The following UGCG variants were observed in gnomAD, a reference collection of about 807,000 sequenced individuals.
UGCG encodes ceramide glucosyltransferase.
In UGCG, 10 loss-of-function variants were observed where a neutral mutation model predicts 49.5. The ratio of observed to expected loss-of-function variants is 0.20; its 90% CI spans 0.12 to 0.34. The LOEUF (loss-of-function observed/expected upper bound fraction) is 0.34, where lower values mean the gene tolerates loss of function less well. Among genes scored for constraint, UGCG ranks in the 10% least tolerant of loss-of-function variants. The pLI is 1.00. For synonymous variants in UGCG, 182 were observed against 158.2 expected (o/e 1.15, Z -1.13); for missense variants, 312 against 483.7 (o/e 0.65, Z 3.33).
intron 3 of UGCG, among the ~76,000 whole-genome samples, chr9:111,923,989 G>A (rs375497731): frequency 4.6e-5 from 7 of 151,634 alleles, no homozygotes; most frequent in African/African-American, 1.7e-4. Flanking sequence ...ATGGGGTTTC[G>A]CCATGTCATA....
chr9:111,915,702 T>A, intron 2 of UGCG: 2 of 796,470 alleles, frequency 2.5e-6, no homozygotes, highest in Non-Finnish European at 3.0e-6. Context: ...GAAGATGATA[T>A]GCGCACTACA....
chr9:111,929,643 C>T lies in UGCG; in HGVS notation c.702C>T (p.Ala234=), dbSNP rs764794611. The change falls in exon 6 of 9, where the codon GCC becomes GCT. Residue 234 remains alanine, a synonymous_variant. Coordinates refer to ENST00000374279, the MANE Select transcript of UGCG (RefSeq NM_003358.3). The stretch of plus-strand genomic sequence containing the variant: ...TTATAGCTTTTGCTCAGTACATTGC[C>T]GAAGATTACTTTATGGCCAAAGCGA... ...GGLIAFAQYI[A]EDYFMAKAIA... The T allele has an allele frequency of 8.1e-6, 13 of 1,613,464 alleles. No homozygotes were observed. Among genetic ancestry groups the T allele is most frequent in the South Asian group, 7.7e-5 (7 of 90,942 alleles).
intron 1 of UGCG, among the ~76,000 whole-genome samples, chr9:111,913,297 G>A (rs2118534320): frequency 6.6e-6 from 1 of 152,292 alleles, no homozygotes; most frequent in East Asian, 1.9e-4. Context: ...TTGTTTATGA[G>A]AAGTACTTGT....
rs752684205 is a variant in UGCG, at chr9:111,926,465, A to G, written c.527A>G (p.Asp176Gly). 4 of 1,610,854 alleles carry G rather than the reference A, an allele frequency of 2.5e-6. No homozygotes were observed. Among genetic ancestry groups the G allele is most frequent in the Non-Finnish European group, 3.4e-6 (4 of 1,177,804 alleles). The change falls in exon 5 of 9, where the codon GAC becomes GGC. Residue 176 changes from aspartate (D) to glycine (G), a missense_variant. Asp to Gly is a moderately conservative substitution (Grantham distance 94). Coordinates refer to ENST00000374279, the MANE Select transcript of UGCG (RefSeq NM_003358.3). ...GTTCACGGGCTGCCTTACGTAGCAG[A>G]CAGACAGGGCTTTGCTGCCACCTTA... ...GLVHGLPYVADRQGFAATLEQ... is the reference protein window; with the variant it reads ...GLVHGLPYVAGRQGFAATLEQ...
intron 2 of UGCG, among the ~76,000 whole-genome samples, chr9:111,918,187 G>A (rs749863068): frequency 5.3e-5 from 8 of 151,930 alleles, no homozygotes; most frequent in African/African-American, 1.7e-4. Flanking sequence ...GATTACAGGC[G>A]CATGCCACTA....
chr9:111,923,299 G>A (rs1321523341), intron 3 of UGCG, among the ~76,000 whole-genome samples: 3 of 151,420 alleles, frequency 2.0e-5, no homozygotes, highest in Non-Finnish European at 2.9e-5. Context: ...ATTACAAGAA[G>A]GGTATTTTTC....
chr9:111,909,646 A>G (rs547457330), intron 1 of UGCG, among the ~76,000 whole-genome samples: 2 of 152,354 alleles, frequency 1.3e-5, no homozygotes, highest in African/African-American at 4.8e-5. Context: ...GGCTGTAAAG[A>G]TGTTGTCCAG....
chr9:111,900,549 A>G (rs976098831), intron 1 of UGCG, among the ~76,000 whole-genome samples: 2 of 151,916 alleles, frequency 1.3e-5, no homozygotes, highest in African/African-American at 2.4e-5. Flanking sequence ...CTGGAGTGCA[A>G]TGGCACGATC....
chr9:111,925,940 G>A (rs769672572), intron 4 of UGCG, among the ~76,000 whole-genome samples: 13 of 152,020 alleles, frequency 8.6e-5, no homozygotes, highest in Non-Finnish European at 1.3e-4. Context: ...ATATAATCAC[G>A]TTCCATTCCT....
Position 111,922,949 on chromosome 9 carries a change from T to C in UGCG, c.341T>C (p.Ile114Thr). 1 of 1,601,780 alleles carries C rather than the reference T, an allele frequency of 6.2e-7. No individual in the cohort carries two copies. The change falls in exon 3 of 9, where the codon ATA (isoleucine) becomes ACA (threonine). Residue 114 changes from isoleucine to threonine, a missense_variant and splice_region_variant. By Grantham distance (89) the Ile-to-Thr change is moderately conservative (BLOSUM62 -1). Coordinates refer to ENST00000374279, the MANE Select transcript of UGCG (RefSeq NM_003358.3). ...CCAAATGTTGATGCTAGATTGTTTA[T>C]AGGTAAGTAACAAATTCTGTAGTAA... ...KYPNVDARLF[I>T]GGKKVGINPK...
chr9:111,912,888 G>GGTGT (rs112247185), intron 1 of UGCG, among the ~76,000 whole-genome samples: 9 of 150,844 alleles, frequency 6.0e-5, no homozygotes, highest in East Asian at 5.8e-4. Flanking sequence ...TTGTAAACCT[G>GGTGT]GTGTGTGTGT....
chr9:111,899,326 T>A (rs1837725005), intron 1 of UGCG, among the ~76,000 whole-genome samples: 1 of 152,246 alleles, frequency 6.6e-6, no homozygotes, highest in Admixed American at 6.5e-5. Context: ...TGGCCCCATT[T>A]TGCCTTACAA....
At chr9:111,901,122 T>C (rs1254457900) in intron 1 of UGCG, among the ~76,000 whole-genome samples, 2 of 152,206 alleles carry the variant, frequency 1.3e-5, no homozygotes, top group Admixed American at 1.3e-4. Flanking sequence ...AACCCAAATA[T>C]GCTATCTCTA....
Position 111,922,890 on chromosome 9 carries a change from C to T in UGCG, c.282C>T (p.Ala94=), listed in dbSNP as rs1838251481. Residue 94 remains alanine, a synonymous_variant, in exon 3 of 9, where the codon GCC becomes GCT. Coordinates refer to ENST00000374279, the MANE Select transcript of UGCG (RefSeq NM_003358.3). ...GTGTACAAGATCATGATGATCCAGCCATTGATGTATGTAAGAAGCTTCTTG... is the reference window on the plus strand; with the variant it reads ...GTGTACAAGATCATGATGATCCAGCTATTGATGTATGTAAGAAGCTTCTTG... The part of the protein sequence containing the change: ...LLCVQDHDDP[A]IDVCKKLLGK... 6.2e-7 allele frequency: 1 copy of T among 1,612,804 alleles called. No homozygotes were observed. Among genetic ancestry groups the T allele is most frequent in the East Asian group, 2.2e-5 (1 of 44,748 alleles).
chr9:111,902,169 A>T (rs967110951), intron 1 of UGCG, among the ~76,000 whole-genome samples: 1 of 152,052 alleles, frequency 6.6e-6, no homozygotes, highest in Admixed American at 6.6e-5. Flanking sequence ...GTCATTTTAG[A>T]CTTTAGTTCC....
Position 111,924,720 on chromosome 9 carries a change from T to C in UGCG, c.344-57T>C. 3.4e-6 allele frequency: 3 copies of C among 881,642 alleles called. No individual in the cohort carries two copies. The South Asian group carries it at 5.8e-5, about 17-fold the overall frequency. 54.6% of individuals were successfully genotyped at this position (881,642 alleles called of 1,614,324 possible). ...TCATTTCTATCATGTATCTTTATAC[T>C]ATAAAATATTTTTAATGTTGCATAA... is the stretch of plus-strand genomic sequence containing the variant. On this transcript the variant is annotated intron_variant, in intron 3 of 8. Coordinates refer to ENST00000374279, the MANE Select transcript of UGCG (RefSeq NM_003358.3).
chr9:111,905,642 C>T (rs1371716012), intron 1 of UGCG, among the ~76,000 whole-genome samples: 3 of 151,744 alleles, frequency 2.0e-5, no homozygotes, highest in Non-Finnish European at 2.9e-5. Flanking sequence ...TTAGTAGAGA[C>T]GGGGTTTCAC....
intron 1 of UGCG, among the ~76,000 whole-genome samples, chr9:111,913,599 AT>A (rs35083061): frequency 0.55 from 72,265 of 132,180 alleles, 19,684 homozygotes; most frequent in Admixed American, 0.62. Context: ...CGCCCAGCTA[AT>A]TTTTTTTTTT....
rs537857051 is a variant in UGCG at position 111,914,301 on chromosome 9, C to T, written c.99-304C>T. Among the ~76,000 whole-genome samples, 7 of 152,046 alleles carry T rather than the reference C, an allele frequency of 4.6e-5. No individual in the cohort carries two copies. In the South Asian group the frequency reaches 6.2e-4, roughly 14 times the overall value. ...ATTCAATCTTTTGGCTTCCCTTGGT[C>T]GTATTGGAAGAAGAAGAATTGTCTT... On this transcript the variant is annotated intron_variant, in intron 1 of 8. Coordinates refer to ENST00000374279, the MANE Select transcript of UGCG (RefSeq NM_003358.3).
Sources: allele counts gnomAD v4.1 joint callset (sites outside exome capture counted in the v4.1 genomes callset), GRCh38; gene constraint gnomAD v4.1.1; transcripts MANE v1.5; gene names NCBI Gene and HGNC (gene_info 2026-07-23, HGNC 2026-07-21).